TPTE2: variants seen among roughly 807,000 people sequenced by gnomAD.
TPTE2 encodes the protein phosphatidylinositol 3,4,5-trisphosphate 3-phosphatase TPTE2.
TPTE2 carries 53 observed loss-of-function variants against 78.6 expected under a neutral mutation model. That is an observed-to-expected ratio of 0.67 (90% CI 0.54 to 0.85). The LOEUF is 0.85. TPTE2 is among the 40% of genes least tolerant of loss of function. The pLI is 0.00. For missense variants in TPTE2, 461 were observed against 623.0 expected, an observed-to-expected ratio of 0.74 and a Z score of 2.77; for synonymous variants, 175 against 206.2, an observed-to-expected ratio of 0.85 and a Z score of 1.30.
chr13:19,509,261 G>A (rs1869271712), intron 1 of TPTE2, among the ~76,000 whole-genome samples: 1 of 152,104 alleles, frequency 6.6e-6, no homozygotes, highest in South Asian at 2.1e-4. Flanking sequence ...GAGTAATAAG[G>A]AAGCAAAACA....
chr13:19,436,425 G>A (rs993695545), intron 14 of TPTE2, 119 bp from the exon 18 acceptor site: 28 of 983,596 alleles, frequency 2.8e-5, no homozygotes, highest in Non-Finnish European at 4.0e-5. Context: ...TTGTTTGTTT[G>A]TTTTTTTGGT....
chr13:19,553,038 T>C, the TPTE2 span, among the ~76,000 whole-genome samples: 2 of 150,892 alleles, frequency 1.3e-5, no homozygotes. Context: ...GTTTTTAAAG[T>C]CTAGGCTGTT....
At chr13:19,439,179 C>T (rs1877323283) in intron 13 of TPTE2, among the ~76,000 whole-genome samples, 1 of 152,140 alleles carries the variant, frequency 6.6e-6, no homozygotes, top group Non-Finnish European at 1.5e-5. Flanking sequence ...CTCAGGAAAT[C>T]AGCCCTTTGC....
chr13:19,463,974 T>A (rs1297463335), intron 10 of TPTE2, among the ~76,000 whole-genome samples: 5 of 152,216 alleles, frequency 3.3e-5, no homozygotes, highest in African/African-American at 9.6e-5. Context: ...GCATGCAGCA[T>A]ATGGTGGCTC....
intron 1 of TPTE2, among the ~76,000 whole-genome samples, chr13:19,534,716 C>T (rs959031596): frequency 9.2e-5 from 14 of 152,096 alleles, no homozygotes; most frequent in Admixed American, 3.9e-4. Flanking sequence ...TGCTTTAGCT[C>T]CTTAAGATTT....
chr13:19,493,642 T>G, intron 1 of TPTE2, 141 bp from the exon 5 acceptor site: 1 of 793,622 alleles, frequency 1.3e-6, no homozygotes, highest in African/African-American at 1.7e-5. Flanking sequence ...GAACCTGGAA[T>G]GTCTATTTTT....
intron 1 of TPTE2, among the ~76,000 whole-genome samples, chr13:19,509,654 T>C (rs1017990084): frequency 2.0e-5 from 3 of 152,126 alleles, no homozygotes; most frequent in African/African-American, 7.2e-5. Context: ...AGGGCCCACA[T>C]AGGTATTTTT....
upstream of TPTE2, among the ~76,000 whole-genome samples, chr13:19,507,329 A>G (rs186072549): frequency 0.024 from 3,566 of 146,078 alleles, 124 homozygotes; most frequent in African/African-American, 0.074. Context: ...AAAAAAACAC[A>G]TGCAATTTAG....
intron 6 of TPTE2, among the ~76,000 whole-genome samples, chr13:19,470,892 TTTA>T (rs1252656007): frequency 9.2e-5 from 9 of 98,210 alleles, no homozygotes; most frequent in African/African-American, 6.6e-4. Flanking sequence ...TTTTATTTTA[TTTA>T]TTTATTTATT....
the TPTE2 span, among the ~76,000 whole-genome samples, chr13:19,549,165 C>T: frequency 2.0e-5 from 3 of 148,842 alleles, no homozygotes; most frequent in Non-Finnish European, 3.0e-5. Flanking sequence ...TTGACAAGTG[C>T]GATCTAATAA....
intron 3 of TPTE2, among the ~76,000 whole-genome samples, chr13:19,492,259 G>A (rs892743473): frequency 1.3e-5 from 2 of 152,150 alleles, no homozygotes; most frequent in African/African-American, 4.8e-5. Context: ...CATCCAATGA[G>A]GTGGTGGGTT....
intron 4 of TPTE2, among the ~76,000 whole-genome samples, chr13:19,476,311 AT>A: frequency 6.6e-6 from 1 of 151,128 alleles, no homozygotes; most frequent in South Asian, 2.1e-4. Context: ...ATGAGGAACA[AT>A]TTTTTTTGTC....
intron 1 of TPTE2, among the ~76,000 whole-genome samples, chr13:19,523,626 C>T (rs1009825109): frequency 2.0e-5 from 3 of 152,212 alleles, no homozygotes; most frequent in African/African-American, 4.8e-5. Context: ...CAGGTGCATG[C>T]CACCATGCCC....
chr13:19,545,371 A>G, the TPTE2 span, among the ~76,000 whole-genome samples: 1 of 152,234 alleles, frequency 6.6e-6, no homozygotes, highest in African/African-American at 2.4e-5. Flanking sequence ...ATGTACCTCT[A>G]GATGTGTATC....
the TPTE2 span, among the ~76,000 whole-genome samples, chr13:19,556,546 A>G: frequency 2.0e-5 from 3 of 152,036 alleles, no homozygotes; most frequent in African/African-American, 7.2e-5. Flanking sequence ...CCCACCTTTG[A>G]GTTGGAATCT....
intron 15 of TPTE2, among the ~76,000 whole-genome samples, chr13:19,433,668 CA>C (rs938407282): frequency 2.9e-4 from 44 of 152,274 alleles, no homozygotes; most frequent in African/African-American, 9.6e-4. Flanking sequence ...TAGATGTAGT[CA>C]GTAGAATGGC....
chr13:19,544,934 TCACACACACACACACACACACACA>T, the TPTE2 span, among the ~76,000 whole-genome samples: 1 of 142,336 alleles, frequency 7.0e-6, no homozygotes, highest in East Asian at 2.1e-4. Flanking sequence ...ACGTGCACAC[TCACACACACACACACACACACACA>T]CACACACACA....
chr13:19,523,515 G>C (rs531257744), intron 1 of TPTE2, among the ~76,000 whole-genome samples: 1 of 151,868 alleles, frequency 6.6e-6, no homozygotes, highest in South Asian at 2.1e-4. Flanking sequence ...TCGCTCTGTT[G>C]CCCATGCTGG....
the TPTE2 span, among the ~76,000 whole-genome samples, chr13:19,557,172 G>C: frequency 6.6e-6 from 1 of 152,164 alleles, no homozygotes; most frequent in Non-Finnish European, 1.5e-5. Flanking sequence ...AGTTATTAAT[G>C]TTCTAACCCA....
Sources: gnomAD v4.1 joint callset for allele counts (sites outside exome capture counted in the v4.1 genomes callset) on GRCh38, gnomAD v4.1.1 for gene constraint, MANE v1.5 for transcripts, NCBI Gene and HGNC (gene_info 2026-07-23, HGNC 2026-07-21) for gene names.